Variants in CCDC183 observed in about 807,000 individuals in gnomAD.
CCDC183 encodes coiled-coil domain containing 183.
CCDC183 carries 63 observed loss-of-function variants against 65.2 expected under a neutral mutation model. The ratio of observed to expected loss-of-function variants is 0.97; its 90% confidence interval spans 0.79 to 1.19. CCDC183 has a LOEUF of 1.19. CCDC183 is among the 50% of genes most tolerant of loss of function. The pLI is 0.00. For synonymous variants in CCDC183, 323 were observed against 276.5 expected, an observed-to-expected ratio of 1.17 and a Z score of -1.67; for missense variants, 769 against 689.3, an observed-to-expected ratio of 1.12 and a Z score of -1.30.
chr9:136,797,316 A>T (rs1165363154), intron 1 of CCDC183, among the ~76,000 whole-genome samples: 1 of 152,124 alleles, frequency 6.6e-6, no homozygotes, highest in Non-Finnish European at 1.5e-5. Context: ...TCCCCTCACC[A>T]AGATAGTAAA....
At position 136,804,533 on chromosome 9, in the gene CCDC183, T is replaced by A; in HGVS notation, c.698T>A (p.Ile233Asn). 6.2e-7 allele frequency: 1 copy of A among 1,613,312 alleles called. No individual in the cohort carries two copies. Among genetic ancestry groups the A allele is most frequent in the Middle Eastern group, 1.7e-4 (1 of 6,060 alleles). The change falls in exon 7 of 14, where the codon ATC (isoleucine) becomes AAC (asparagine). Residue 233 changes from isoleucine (I) to asparagine (N), a missense_variant. Physicochemically the swap from Ile to Asn is moderately radical, Grantham distance 149 (BLOSUM62 -3). Transcript: ENST00000338005. This position sits in a 1 kb window ranked among gnomAD's most constrained non-coding sequence, Gnocchi z 4.1. ...ATGAGGCAAAGGGAGGCGTCCTTCA[T>A]CGAGGAGCGCCGGGCAAGGGAGAAC... ...RNMRQREASF[I>N]EERRARENRL...
chr9:136,807,565 C>A lies in CCDC183; in HGVS notation c.1487-7C>A, dbSNP rs768931184. On this transcript the variant is annotated splice_polypyrimidine_tract_variant and splice_region_variant and intron_variant, in intron 13 of 13. Transcript: ENST00000338005. ...CCCCGTGTGCGAGCCGCCGCCTCCG[C>A]CCGCAGACACCTTCCAGTTCCCCGA... The A allele has an allele frequency of 5.6e-6, 9 of 1,596,352 alleles. No individual in the cohort carries two copies. Among genetic ancestry groups the A allele is most frequent in the African/African-American group, 1.4e-5 (1 of 73,928 alleles).
chr9:136,802,067 C>T (rs1004446058), intron 5 of CCDC183, among the ~76,000 whole-genome samples: 6 of 152,118 alleles, frequency 3.9e-5, no homozygotes, highest in African/African-American at 7.2e-5. Flanking sequence ...GGATTACAGG[C>T]GTGAGCCACC....
intron 9 of CCDC183, among the ~76,000 whole-genome samples, chr9:136,805,814 G>A (rs1052525869): frequency 7.9e-5 from 12 of 152,108 alleles, no homozygotes; most frequent in Non-Finnish European, 1.8e-4. Flanking sequence ...CATTAGGGTC[G>A]TGTGCAATGA....
rs747531950 is a variant in CCDC183, at chr9:136,807,740, G to T, written c.*50G>T. The T allele has an allele frequency of 7.8e-6, 12 of 1,545,490 alleles. No homozygotes were observed. The Admixed American group carries it at 7.8e-5, about 10-fold the overall frequency. Reference sequence around the variant, plus strand: ...GCTACACAAATAAACATTTTTCCAGGACTGCTGCGGACGCTGGGGCGACCG... The same window carrying T: ...GCTACACAAATAAACATTTTTCCAGTACTGCTGCGGACGCTGGGGCGACCG... On this transcript the variant is annotated 3_prime_UTR_variant, in exon 14 of 14. Coordinates refer to ENST00000338005, the MANE Select transcript of CCDC183 (RefSeq NM_001039374.5).
At position 136,799,155 on chromosome 9, in the gene CCDC183, A is replaced by G. The variant is rs1847698168; in HGVS notation, c.124A>G (p.Lys42Glu). The G allele has an allele frequency of 2.5e-6, 4 of 1,613,284 alleles. No individual in the cohort carries two copies. Among genetic ancestry groups the G allele is most frequent in the Non-Finnish European group, 2.5e-6 (3 of 1,179,884 alleles). Residue 42 changes from lysine to glutamate, a missense_variant, in exon 2 of 14, where the codon AAG (lysine) becomes GAG (glutamate). Coordinates refer to ENST00000338005, the MANE Select transcript of CCDC183 (RefSeq NM_001039374.5). ...QGVKENMDQN[K>E]ATLALLRSNI... is the part of the protein sequence containing the mutation. Reference sequence around the variant, plus strand: ...GGTGAAAGAGAATATGGACCAGAACAAGGCCACGCTGGCCCTCCTGCGCAG... The same window carrying G: ...GGTGAAAGAGAATATGGACCAGAACGAGGCCACGCTGGCCCTCCTGCGCAG...
Position 136,807,576 on chromosome 9 carries a change from C to T in CCDC183, c.1491C>T (p.Thr497=), listed in dbSNP as rs1847885265. ...FENREEDMID[T]FQFPDMDHSY... ...AGCCGCCGCCTCCGCCCGCAGACAC[C>T]TTCCAGTTCCCCGACATGGACCACA... The change falls in exon 14 of 14, where the codon ACC becomes ACT. Residue 497 remains threonine, a synonymous_variant. Coordinates refer to ENST00000338005, the MANE Select transcript of CCDC183 (RefSeq NM_001039374.5). The T allele has an allele frequency of 1.9e-6, 3 of 1,603,040 alleles. No individual in the cohort carries two copies. Among genetic ancestry groups the T allele is most frequent in the Non-Finnish European group, 2.6e-6 (3 of 1,175,578 alleles).
rs1847713763 is a variant in CCDC183 at position 136,800,097 on chromosome 9, G to T, written c.366G>T (p.Glu122Asp). The T allele has an allele frequency of 6.4e-7, 1 of 1,561,730 alleles. No individual in the cohort carries two copies. The highest frequency in any genetic ancestry group is 8.7e-7 in the Non-Finnish European group (1 of 1,155,388). Residue 122 changes from glutamate to aspartate, a missense_variant, in exon 4 of 14, where the codon GAG becomes GAT. Coordinates refer to ENST00000338005, the MANE Select transcript of CCDC183 (RefSeq NM_001039374.5). Reference protein sequence around the residue: ...HLVRRRGQKLESMQLELDSLR... With the variant: ...HLVRRRGQKLDSMQLELDSLR... ...TGCGGCGGCGCGGGCAGAAGCTGGA[G>T]AGCATGCAGCTGGAGCTGGACAGCC...
chr9:136,798,140 G>A (rs1847681657), intron 1 of CCDC183, among the ~76,000 whole-genome samples: 3 of 151,838 alleles, frequency 2.0e-5, no homozygotes, highest in Admixed American at 2.0e-4. Context: ...CGAGTAGCTG[G>A]GATTACAGGT....
rs781569763 is a variant in CCDC183, at chr9:136,796,418, A to G, written c.21A>G (p.Thr7=). ...CAGCCATGAGGAGGCACAGTGAGACAGATGTGGAAGAGCAGACCCAGGAGC... is the reference window on the plus strand; with the variant it reads ...CAGCCATGAGGAGGCACAGTGAGACGGATGTGGAAGAGCAGACCCAGGAGC... MRRHSE[T]DVEEQTQELK... Residue 7 remains threonine, a synonymous_variant, in exon 1 of 14, where the codon ACA becomes ACG. Transcript: ENST00000338005. 1.3e-6 allele frequency: 2 copies of G among 1,585,040 alleles called. No individual in the cohort carries two copies. The highest frequency in any genetic ancestry group is 2.3e-5 in the South Asian group (2 of 86,502).
chr9:136,802,335 T>C (rs899468997), intron 5 of CCDC183, among the ~76,000 whole-genome samples: 2 of 152,186 alleles, frequency 1.3e-5, no homozygotes, highest in Non-Finnish European at 2.9e-5. Flanking sequence ...AGCCCATGTC[T>C]TGAGCCCCTC....
At chr9:136,799,851 C>T (rs1364295643) in intron 3 of CCDC183, 61 bp downstream of exon 3, 3 of 1,532,870 alleles carry the variant, frequency 2.0e-6, no homozygotes, top group African/African-American at 2.7e-5. Context: ...CACCCCCCCA[C>T]TAGATGTTGC....
intron 5 of CCDC183, among the ~76,000 whole-genome samples, chr9:136,801,880 C>T (rs1237946825): frequency 2.7e-5 from 4 of 149,646 alleles, no homozygotes; most frequent in Non-Finnish European, 4.5e-5. Context: ...CTCCGCCTCC[C>T]GGGTTCAAGC....
rs1847698201 is a variant in CCDC183 at position 136,799,157 on chromosome 9, G to A, written c.126G>A (p.Lys42=). The change falls in exon 2 of 14, where the codon AAG becomes AAA. Residue 42 remains lysine, a synonymous_variant. Coordinates refer to ENST00000338005, the MANE Select transcript of CCDC183 (RefSeq NM_001039374.5). ...TGAAAGAGAATATGGACCAGAACAA[G>A]GCCACGCTGGCCCTCCTGCGCAGCA... ...QGVKENMDQN[K]ATLALLRSNI... The A allele has an allele frequency of 1.2e-6, 2 of 1,613,088 alleles. No individual in the cohort carries two copies. The highest frequency in any genetic ancestry group is 1.7e-6 in the Non-Finnish European group (2 of 1,179,882).
chr9:136,807,473 AC>A, intron 13 of CCDC183, 98 bp from the exon 14 acceptor site: 1 of 1,408,190 alleles, frequency 7.1e-7, no homozygotes, highest in East Asian at 2.6e-5. Context: ...GGGGCAAGGC[AC>A]CTGGCCCGGG....
rs367971685 is a variant in CCDC183 at position 136,804,787 on chromosome 9, C to A, written c.818C>A (p.Ser273Ter). The A allele has an allele frequency of 3.1e-6, 5 of 1,613,854 alleles. No homozygotes were observed. The highest frequency in any genetic ancestry group is 4.5e-5 in the East Asian group (2 of 44,874). The change falls in exon 8 of 14, where the codon TCG becomes TAG. Residue 273 changes from serine (S) to a stop codon, truncating the protein, a stop_gained. Transcript: ENST00000338005. LOFTEE classifies it high-confidence loss of function. The surrounding 1 kb of genome is among the most constrained non-coding windows in gnomAD (Gnocchi z 4.1). ...RRGQMDLDFP[S>*]NLMSTETLKL... is the part of the protein sequence containing the mutation. ...GGCCAGATGGACTTGGACTTCCCCT[C>A]GAACCTGATGAGCACGGAGACCCTG... is the stretch of plus-strand genomic sequence containing the variant.
chr9:136,802,016 C>G (rs1263563032), intron 5 of CCDC183, among the ~76,000 whole-genome samples: 1 of 152,142 alleles, frequency 6.6e-6, no homozygotes, highest in East Asian at 1.9e-4. Flanking sequence ...GTCTCTAACT[C>G]CTGACCTCAT....
intron 2 of CCDC183, 36 bp downstream of exon 2, chr9:136,799,259 G>T: frequency 6.4e-7 from 1 of 1,569,890 alleles, no homozygotes; most frequent in Non-Finnish European, 8.6e-7. Flanking sequence ...TGCCTGGCGA[G>T]CAGGGCAGGA....
chr9:136,797,308 C>T (rs564000995), intron 1 of CCDC183, among the ~76,000 whole-genome samples: 6 of 152,262 alleles, frequency 3.9e-5, no homozygotes, highest in African/African-American at 1.2e-4. Flanking sequence ...TGCTACACTC[C>T]CCTCACCAAG....
Sources: allele counts gnomAD v4.1 joint callset (sites outside exome capture counted in the v4.1 genomes callset), GRCh38; gene constraint gnomAD v4.1.1; non-coding constraint Gnocchi (gnomAD v3.1); transcripts MANE v1.5; gene names NCBI Gene and HGNC (gene_info 2026-07-23, HGNC 2026-07-21).